GUCY1A2: variants seen among roughly 807,000 people sequenced by gnomAD.
GUCY1A2 encodes guanylate cyclase soluble subunit alpha-2.
GUCY1A2 carries 27 observed loss-of-function variants against 63.5 expected under a neutral mutation model. The observed-to-expected ratio is 0.43, with a 90% CI of 0.31 to 0.59. GUCY1A2 has a LOEUF of 0.59. Ranked by LOEUF, GUCY1A2 falls within the 20% of genes least tolerant of loss-of-function variation. The pLI, the probability that GUCY1A2 is intolerant of heterozygous loss-of-function variation, is 0.11. For synonymous variants in GUCY1A2, 364 were observed against 343.5 expected, an observed-to-expected ratio of 1.06 and a Z score of -0.66; for missense variants, 768 against 913.3, an observed-to-expected ratio of 0.84 and a Z score of 2.05.
intron 6 of GUCY1A2, among the ~76,000 whole-genome samples, chr11:106,733,249 A>G (rs1565272640): frequency 6.6e-6 from 1 of 152,146 alleles, no homozygotes; most frequent in Non-Finnish European, 1.5e-5. Context: ...TACTTTTTAT[A>G]TACATAAACA....
At chr11:106,774,440 A>G (rs1864319639) in intron 6 of GUCY1A2, among the ~76,000 whole-genome samples, 1 of 152,006 alleles carries the variant, frequency 6.6e-6, no homozygotes, top group Admixed American at 6.6e-5. Flanking sequence ...TGTCACTTTT[A>G]TAATTTATCA....
At chr11:106,906,986 A>T (rs989099212) in intron 4 of GUCY1A2, among the ~76,000 whole-genome samples, 2 of 152,136 alleles carry the variant, frequency 1.3e-5, no homozygotes, top group African/African-American at 4.8e-5. Context: ...CTTAATATAG[A>T]TGACAGGTTG....
chr11:106,789,530 T>C (rs1864622009), intron 5 of GUCY1A2, among the ~76,000 whole-genome samples: 3 of 152,188 alleles, frequency 2.0e-5, no homozygotes, highest in Non-Finnish European at 4.4e-5. Context: ...TTTTCCTGGA[T>C]GATCTTGATG....
chr11:106,697,255 A>G (rs968382011), intron 7 of GUCY1A2, among the ~76,000 whole-genome samples: 3 of 152,228 alleles, frequency 2.0e-5, no homozygotes, highest in South Asian at 4.1e-4. Context: ...GAATCTTTGC[A>G]CTTTAATAAG....
intron 4 of GUCY1A2, among the ~76,000 whole-genome samples, chr11:106,846,740 T>C (rs1859278649): frequency 6.6e-6 from 1 of 151,692 alleles, no homozygotes; most frequent in African/African-American, 2.4e-5. Context: ...AACCATTTCA[T>C]ATTTTCCTCT....
intron 4 of GUCY1A2, chr11:106,827,486 C>A: frequency 6.8e-7 from 1 of 1,468,620 alleles, no homozygotes; most frequent in Non-Finnish European, 9.5e-7. Flanking sequence ...AATTCCTGAG[C>A]ACTGTCTGTA....
chr11:106,747,443 G>A (rs1863809828), intron 6 of GUCY1A2, among the ~76,000 whole-genome samples: 3 of 152,196 alleles, frequency 2.0e-5, no homozygotes, highest in African/African-American at 4.8e-5. Flanking sequence ...TGACAATGAG[G>A]TCAGTTTTTC....
intron 4 of GUCY1A2, among the ~76,000 whole-genome samples, chr11:106,839,461 G>A (rs920750204): frequency 3.3e-5 from 5 of 152,030 alleles, no homozygotes; most frequent in Non-Finnish European, 5.9e-5. Flanking sequence ...CAATTCCTCC[G>A]GGATCTAGAA....
intron 4 of GUCY1A2, among the ~76,000 whole-genome samples, chr11:106,871,453 T>C (rs1336599338): frequency 4.6e-5 from 7 of 152,146 alleles, no homozygotes; most frequent in African/African-American, 1.4e-4. Flanking sequence ...CATACAGCTC[T>C]CTTAACTTCC....
chr11:107,000,782 A>AAAAAG (rs1197381913), intron 1 of GUCY1A2, among the ~76,000 whole-genome samples: 1 of 152,198 alleles, frequency 6.6e-6, no homozygotes, highest in Non-Finnish European at 1.5e-5. Flanking sequence ...TTTCCTTTTT[A>AAAAAG]GAAAATAACA....
intron 6 of GUCY1A2, among the ~76,000 whole-genome samples, chr11:106,767,702 T>C (rs1864187469): frequency 6.6e-6 from 1 of 152,014 alleles, no homozygotes; most frequent in Non-Finnish European, 1.5e-5. Flanking sequence ...AATTGTAAGG[T>C]ATTAAGGATG....
chr11:106,707,356 T>C (rs1163012986), intron 7 of GUCY1A2, among the ~76,000 whole-genome samples: 2 of 152,034 alleles, frequency 1.3e-5, no homozygotes, highest in African/African-American at 4.8e-5. Flanking sequence ...ATTATTATAG[T>C]CAACTTTTAT....
At chr11:106,902,591 C>A (rs1353491262) in intron 4 of GUCY1A2, among the ~76,000 whole-genome samples, 1 of 152,132 alleles carries the variant, frequency 6.6e-6, no homozygotes, top group Admixed American at 6.5e-5. Context: ...GGATCTCCTG[C>A]AGCTTCTATA....
chr11:106,872,075 T>A (rs1363238180), intron 4 of GUCY1A2, among the ~76,000 whole-genome samples: 3 of 152,080 alleles, frequency 2.0e-5, no homozygotes, highest in African/African-American at 7.2e-5. Context: ...TTAAAAAACA[T>A]AAGCGGTTGA....
At chr11:106,922,698 T>TAGTAAC (rs1860464766) in intron 4 of GUCY1A2, among the ~76,000 whole-genome samples, 1 of 121,828 alleles carries the variant, frequency 8.2e-6, no homozygotes. Flanking sequence ...TATATATATA[T>TAGTAAC]ATATATATAT....
intron 6 of GUCY1A2, among the ~76,000 whole-genome samples, chr11:106,737,615 T>A (rs1325819894): frequency 6.6e-6 from 1 of 152,190 alleles, no homozygotes; most frequent in Non-Finnish European, 1.5e-5. Flanking sequence ...GTTCTCATTG[T>A]TCAACTCCCA....
intron 4 of GUCY1A2, among the ~76,000 whole-genome samples, chr11:106,930,855 C>G (rs1258562576): frequency 6.6e-6 from 1 of 152,218 alleles, no homozygotes; most frequent in East Asian, 1.9e-4. Flanking sequence ...GCAGGCGGAT[C>G]ACGAGGTCAA....
intron 4 of GUCY1A2, among the ~76,000 whole-genome samples, chr11:106,810,819 T>C (rs1762071117): frequency 6.6e-6 from 1 of 152,162 alleles, no homozygotes; most frequent in South Asian, 2.1e-4. Flanking sequence ...GCTTTCAGCC[T>C]ACTAAATAAT....
chr11:106,841,673 C>T (rs74886290), intron 4 of GUCY1A2, among the ~76,000 whole-genome samples: 4,298 of 152,010 alleles, frequency 0.028, 181 homozygotes, highest in African/African-American at 0.095. Context: ...AGATTAACAA[C>T]GTTCTCTTAT....
Sources: gnomAD v4.1 joint callset for allele counts (sites outside exome capture counted in the v4.1 genomes callset) on GRCh38, gnomAD v4.1.1 for gene constraint, MANE v1.5 for transcripts, NCBI Gene and HGNC (gene_info 2026-07-23, HGNC 2026-07-21) for gene names.